The following MSI2 variants were observed in gnomAD, a reference collection of about 807,000 sequenced individuals.
MSI2 encodes the protein RNA-binding protein Musashi homolog 2.
In MSI2, 17 loss-of-function variants were observed where a neutral mutation model predicts 45.6. The observed-to-expected ratio is 0.37, with a 90% CI of 0.26 to 0.56. The LOEUF (loss-of-function observed/expected upper bound fraction) is 0.56. Among genes scored for constraint, MSI2 ranks in the 20% least tolerant of loss-of-function variants. The probability of loss-of-function intolerance (pLI) is 0.77; values close to 1 mark genes in which losing one functional copy is unlikely to be tolerated. For missense variants in MSI2, 293 were observed against 444.2 expected (o/e 0.66, Z 3.06); for synonymous variants, 156 against 158.2 (o/e 0.99, Z 0.11).
rs548856822 is a variant in MSI2, at chr17:57,598,616, G to A, written c.537+1666G>A. On this transcript the variant is annotated intron_variant, in intron 8 of 13. Transcript: ENST00000284073. The stretch of plus-strand genomic sequence containing the variant: ...GGCTTTCTCAGCTCCCCAGATGTCC[G>A]TGCAAGTTTACAGTTGGTACTTTTC... Among the ~76,000 whole-genome samples the A allele has an allele frequency of 2.2e-4, 33 of 152,178 alleles. No homozygotes were observed. The East Asian group carries it at 2.3e-3, about 11-fold the overall frequency.
intron 5 of MSI2, among the ~76,000 whole-genome samples, chr17:57,360,797 G>A (rs927265065): frequency 6.6e-6 from 1 of 152,212 alleles, no homozygotes; most frequent in Admixed American, 6.5e-5. Context: ...GCCAAGACAA[G>A]TGTCTTCTCT....
intron 7 of MSI2, among the ~76,000 whole-genome samples, chr17:57,580,848 G>A (rs2088182675): frequency 6.6e-6 from 1 of 152,034 alleles, no homozygotes; most frequent in South Asian, 2.1e-4. Flanking sequence ...AACATTTATT[G>A]ATAGCTAAAG....
At chr17:57,286,059 TGTCTTTCC>T (rs1411602614) in intron 5 of MSI2, 2 of 1,287,316 alleles carry the variant, frequency 1.6e-6, no homozygotes, top group Admixed American at 2.9e-5. Flanking sequence ...AGCCTCTTTC[TGTCTTTCC>T]CTCCCTTCCT....
chr17:57,603,177 C>T (rs1013391199), intron 8 of MSI2, among the ~76,000 whole-genome samples: 4 of 152,262 alleles, frequency 2.6e-5, no homozygotes, highest in Admixed American at 2.6e-4. Context: ...CCAGAGGAAG[C>T]TCTCAGTGCC....
intron 5 of MSI2, among the ~76,000 whole-genome samples, chr17:57,359,634 G>A (rs547698200): frequency 2.1e-4 from 32 of 152,266 alleles, no homozygotes; most frequent in Admixed American, 1.2e-3. Flanking sequence ...CAGTGGCTGA[G>A]GTCAAGTGAT....
chr17:57,314,728 C>T (rs373971962), intron 5 of MSI2, among the ~76,000 whole-genome samples: 5 of 151,922 alleles, frequency 3.3e-5, no homozygotes, highest in African/African-American at 7.3e-5. Flanking sequence ...CGTGCCACCA[C>T]ACCCAGCTAA....
chr17:57,478,475 A>G (rs1389650770), intron 6 of MSI2, among the ~76,000 whole-genome samples: 1 of 152,194 alleles, frequency 6.6e-6, no homozygotes, highest in Non-Finnish European at 1.5e-5. Flanking sequence ...TCTTTTCTCA[A>G]GAAAGGAAAG....
intron 10 of MSI2, among the ~76,000 whole-genome samples, chr17:57,649,047 C>A (rs79174471): frequency 6.6e-6 from 1 of 152,194 alleles, no homozygotes; most frequent in Non-Finnish European, 1.5e-5. Flanking sequence ...CTGTGCCCTC[C>A]GTCACCACAG....
chr17:57,643,388 A>C (rs1910398481), intron 10 of MSI2, among the ~76,000 whole-genome samples: 1 of 152,240 alleles, frequency 6.6e-6, no homozygotes, highest in Non-Finnish European at 1.5e-5. Context: ...GCCAAAAACA[A>C]GATCCAGTGT....
chr17:57,258,656 A>G (rs1474435377), intron 4 of MSI2, among the ~76,000 whole-genome samples: 1 of 152,188 alleles, frequency 6.6e-6, no homozygotes, highest in African/African-American at 2.4e-5. Flanking sequence ...ACCAGAGAGC[A>G]AATGCAACTT....
intron 5 of MSI2, among the ~76,000 whole-genome samples, chr17:57,287,461 G>A (rs550007650): frequency 5.9e-5 from 9 of 152,266 alleles, no homozygotes; most frequent in East Asian, 5.8e-4. Flanking sequence ...GAGGACTGCC[G>A]GGGCTTACCA....
intron 5 of MSI2, among the ~76,000 whole-genome samples, chr17:57,272,758 C>T (rs550047939): frequency 3.9e-5 from 6 of 152,266 alleles, no homozygotes; most frequent in African/African-American, 1.2e-4. Context: ...GTATTTTCAT[C>T]CCATTCCTCG....
chr17:57,410,668 G>T (rs756063499), intron 6 of MSI2, among the ~76,000 whole-genome samples: 4 of 143,410 alleles, frequency 2.8e-5, no homozygotes, highest in African/African-American at 5.3e-5. Context: ...TGTTATAGAA[G>T]ATGTAATTTG....
At chr17:57,511,231 G>A (rs138991001) in intron 6 of MSI2, among the ~76,000 whole-genome samples, 19 of 152,296 alleles carry the variant, frequency 1.2e-4, no homozygotes, top group Non-Finnish European at 8.8e-5. Context: ...CTCAGGGAGC[G>A]GATGCTCTGG....
chr17:57,431,433 A>G (rs1383027756), intron 6 of MSI2, among the ~76,000 whole-genome samples: 12 of 152,324 alleles, frequency 7.9e-5, no homozygotes, highest in Non-Finnish European at 1.5e-4. Context: ...GTGAGTGTCC[A>G]TGCTTTCCTT....
intron 4 of MSI2, among the ~76,000 whole-genome samples, chr17:57,259,816 C>T (rs1241063727): frequency 6.6e-6 from 1 of 152,202 alleles, no homozygotes; most frequent in Non-Finnish European, 1.5e-5. Context: ...CTCTTGCTAC[C>T]TGGGTGGGAG....
intron 7 of MSI2, among the ~76,000 whole-genome samples, chr17:57,595,075 T>A (rs1598432476): frequency 1.3e-5 from 2 of 152,190 alleles, no homozygotes; most frequent in South Asian, 4.1e-4. Flanking sequence ...CTGCAGGAGC[T>A]ATGCTAAAGG....
chr17:57,478,067 C>T (rs1408084026), intron 6 of MSI2, among the ~76,000 whole-genome samples: 1 of 152,190 alleles, frequency 6.6e-6, no homozygotes, highest in Admixed American at 6.5e-5. Context: ...TGAGAAGACT[C>T]GCCCACCCAG....
At chr17:57,387,391 T>C (rs1406526979) in intron 5 of MSI2, among the ~76,000 whole-genome samples, 5 of 152,226 alleles carry the variant, frequency 3.3e-5, no homozygotes, top group Non-Finnish European at 7.3e-5. Context: ...TATAGAAATA[T>C]GTTCCTGGCA....
Sources: gnomAD v4.1 joint callset for allele counts (sites outside exome capture counted in the v4.1 genomes callset) on GRCh38, gnomAD v4.1.1 for gene constraint, MANE v1.5 for transcripts, NCBI Gene and HGNC (gene_info 2026-07-23, HGNC 2026-07-21) for gene names.